Variants in RBPMS observed in about 807,000 individuals in gnomAD.
RBPMS encodes RNA binding protein, mRNA processing factor.
A neutral mutation model predicts 26.8 loss-of-function variants in RBPMS; 7 were observed. That is an observed-to-expected ratio of 0.26 (90% CI 0.15 to 0.49). The LOEUF (loss-of-function observed/expected upper bound fraction) is 0.49. Among genes scored for constraint, RBPMS ranks in the 20% least tolerant of loss-of-function variants. RBPMS has a pLI of 0.98. For synonymous variants in RBPMS, 96 were observed against 93.3 expected (o/e 1.03, Z -0.17); for missense variants, 186 against 250.0 (o/e 0.74, Z 1.73).
intron 1 of RBPMS, among the ~76,000 whole-genome samples, chr8:30,461,484 T>G (rs1174973016): frequency 6.6e-6 from 1 of 152,192 alleles, no homozygotes; most frequent in East Asian, 1.9e-4. Context: ...AACCTCTGCC[T>G]CCTGGGTTCA....
intron 5 of RBPMS, among the ~76,000 whole-genome samples, chr8:30,538,431 C>G (rs2915591): frequency 0.19 from 29,072 of 151,986 alleles, 3,119 homozygotes; most frequent in South Asian, 0.39. Flanking sequence ...ATTTTTGTAT[C>G]TTTAGTAGAG....
chr8:30,540,964 G>C (rs1344032378), intron 5 of RBPMS, among the ~76,000 whole-genome samples: 4 of 152,196 alleles, frequency 2.6e-5, no homozygotes, highest in African/African-American at 9.7e-5. Context: ...AACGAGGACA[G>C]GTCATTGAGG....
intron 5 of RBPMS, among the ~76,000 whole-genome samples, chr8:30,511,529 C>CTGTG (rs10596340): frequency 8.3e-6 from 1 of 119,978 alleles, no homozygotes; most frequent in East Asian, 2.6e-4. Flanking sequence ...ATATATATTT[C>CTGTG]TGTGTGTGTG....
chr8:30,547,480 G>T, intron 6 of RBPMS: 1 of 1,554,100 alleles, frequency 6.4e-7, no homozygotes, highest in Non-Finnish European at 8.6e-7. Context: ...GACGACCTTT[G>T]AGAGATTTCA....
chr8:30,474,597 A>G (rs1191441997), intron 1 of RBPMS, among the ~76,000 whole-genome samples, 182 bp from the exon 2 acceptor site: 1 of 152,210 alleles, frequency 6.6e-6, no homozygotes, highest in Non-Finnish European at 1.5e-5. Flanking sequence ...AAATTTAAAA[A>G]GGAAAAAAAA....
intron 1 of RBPMS, among the ~76,000 whole-genome samples, chr8:30,387,625 G>GT (rs748494838): frequency 1.3e-5 from 2 of 152,108 alleles, no homozygotes; most frequent in Admixed American, 6.6e-5. Context: ...GGAAAAATGT[G>GT]TTTCGTTGTA....
rs369853372 is a variant in RBPMS, at chr8:30,511,001, C to A, written c.397+6565C>A. ...GAGATATAAAGTCAGGATTTCAGGG[C>A]TGGTCAACTTCTTATTGAAAAAAAT... On this transcript the variant is annotated intron_variant, in intron 5 of 8. Coordinates refer to ENST00000397323, the MANE Select transcript of RBPMS (RefSeq NM_001008710.3). Among the ~76,000 whole-genome samples, 16 of 152,012 alleles carry A rather than the reference C, an allele frequency of 1.1e-4. No individual in the cohort carries two copies. The South Asian group carries it at 3.3e-3, about 32-fold the overall frequency.
chr8:30,559,165 G>C (rs1827239530), intron 7 of RBPMS, among the ~76,000 whole-genome samples: 1 of 152,164 alleles, frequency 6.6e-6, no homozygotes. Flanking sequence ...TAGTCTATTT[G>C]AGTCTAACTT....
intron 6 of RBPMS, chr8:30,549,561 C>T (rs369018095): frequency 6.2e-7 from 1 of 1,614,044 alleles, no homozygotes; most frequent in Non-Finnish European, 8.5e-7. Flanking sequence ...CCTGATAGTG[C>T]CAGCCTGGCC....
intron 1 of RBPMS, among the ~76,000 whole-genome samples, chr8:30,390,007 T>C (rs758003248): frequency 2.5e-4 from 38 of 152,184 alleles, no homozygotes; most frequent in Non-Finnish European, 4.4e-4. Flanking sequence ...TGTTGTAATA[T>C]TAAATGAAAA....
chr8:30,486,042 A>C (rs978938822), intron 4 of RBPMS, among the ~76,000 whole-genome samples: 7 of 152,220 alleles, frequency 4.6e-5, no homozygotes, highest in African/African-American at 1.7e-4. Context: ...AAACTAGAAA[A>C]TAAAACACTA....
chr8:30,530,750 C>T (rs1824124692), intron 5 of RBPMS, among the ~76,000 whole-genome samples: 1 of 152,210 alleles, frequency 6.6e-6, no homozygotes, highest in Non-Finnish European at 1.5e-5. Context: ...GCGTGAGCCA[C>T]CACGCCTGGC....
intron 4 of RBPMS, among the ~76,000 whole-genome samples, chr8:30,487,875 T>G (rs772327451): frequency 1.3e-5 from 2 of 152,132 alleles, no homozygotes; most frequent in Non-Finnish European, 2.9e-5. Flanking sequence ...AAAGTTTCAG[T>G]AGATAACATT....
chr8:30,532,936 C>T (rs562245704), intron 5 of RBPMS, among the ~76,000 whole-genome samples: 1 of 152,168 alleles, frequency 6.6e-6, no homozygotes, highest in Non-Finnish European at 1.5e-5. Flanking sequence ...GCATTACTGC[C>T]TGAAATCTGG....
chr8:30,413,695 C>G (rs928175729), intron 1 of RBPMS, among the ~76,000 whole-genome samples: 4 of 152,004 alleles, frequency 2.6e-5, no homozygotes, highest in Non-Finnish European at 5.9e-5. Context: ...TCAGTGCAAC[C>G]TCCGCCTCCC....
intron 7 of RBPMS, among the ~76,000 whole-genome samples, chr8:30,560,127 G>A (rs1827326417): frequency 6.6e-6 from 1 of 152,178 alleles, no homozygotes; most frequent in Non-Finnish European, 1.5e-5. Context: ...AAGAAAGAGA[G>A]CATTGAATAA....
chr8:30,528,734 A>G (rs1048591529), intron 5 of RBPMS, among the ~76,000 whole-genome samples: 3 of 152,176 alleles, frequency 2.0e-5, no homozygotes, highest in Non-Finnish European at 4.4e-5. Context: ...AAATGTGCCC[A>G]TGGTCACATT....
intron 1 of RBPMS, among the ~76,000 whole-genome samples, chr8:30,445,648 G>GGA (rs1813645442): frequency 2.7e-4 from 6 of 21,908 alleles, no homozygotes; most frequent in Middle Eastern, 0.022. Context: ...ATATACACAC[G>GGA]GATATATATA....
chr8:30,527,392 A>T (rs1823707546), intron 5 of RBPMS, among the ~76,000 whole-genome samples: 2 of 152,094 alleles, frequency 1.3e-5, no homozygotes, highest in South Asian at 4.1e-4. Flanking sequence ...TTCTTTCCTC[A>T]ACTGCCAGCT....
Sources: gnomAD v4.1 joint callset for allele counts (sites outside exome capture counted in the v4.1 genomes callset) on GRCh38, gnomAD v4.1.1 for gene constraint, MANE v1.5 for transcripts, NCBI Gene and HGNC (gene_info 2026-07-23, HGNC 2026-07-21) for gene names.